Variants in SHB observed in about 807,000 individuals in gnomAD.
The protein encoded by SHB is SH2 domain containing adaptor protein B.
Under a neutral mutation model 52.3 loss-of-function variants are expected in SHB, and 20 were observed. The observed-to-expected ratio is 0.38, with a 90% CI of 0.27 to 0.56. The LOEUF is 0.56. SHB is among the 20% of genes least tolerant of loss of function. The pLI, the probability that SHB is intolerant of heterozygous loss-of-function variation, is 0.71. For synonymous variants in SHB, 397 were observed against 316.5 expected (o/e 1.25, Z -2.70); for missense variants, 825 against 723.3 (o/e 1.14, Z -1.61).
chr9:37,946,662 G>A (rs1200915027), intron 5 of SHB, among the ~76,000 whole-genome samples: 1 of 152,174 alleles, frequency 6.6e-6, no homozygotes, highest in East Asian at 1.9e-4. Context: ...CAGCTGATGG[G>A]GCTCTGGTCC....
chr9:38,046,819 C>T (rs1470228810), intron 1 of SHB, among the ~76,000 whole-genome samples: 1 of 152,226 alleles, frequency 6.6e-6, no homozygotes, highest in East Asian at 1.9e-4. Flanking sequence ...GTAAAAATCC[C>T]TTCGTCGCTT....
intron 1 of SHB, among the ~76,000 whole-genome samples, chr9:38,060,470 T>C (rs1821878880): frequency 6.6e-6 from 1 of 152,166 alleles, no homozygotes; most frequent in African/African-American, 2.4e-5. Flanking sequence ...ATTACAGGCA[T>C]GAACCACCGA....
At chr9:38,027,560 G>C (rs1478208343) in intron 1 of SHB, among the ~76,000 whole-genome samples, 8 of 151,676 alleles carry the variant, frequency 5.3e-5, no homozygotes. Flanking sequence ...ACCGGGGACA[G>C]GGAAAATGGG....
chr9:37,923,761 TGCAAGCA>T (rs1832211329), intron 5 of SHB, among the ~76,000 whole-genome samples: 1 of 152,186 alleles, frequency 6.6e-6, no homozygotes, highest in Non-Finnish European at 1.5e-5. Context: ...TATTCTGAGC[TGCAAGCA>T]GCCTGGGGGT....
chr9:38,001,053 T>G (rs947619364), intron 2 of SHB, among the ~76,000 whole-genome samples: 4 of 152,234 alleles, frequency 2.6e-5, no homozygotes, highest in Admixed American at 1.3e-4. Context: ...CATGGCTTTT[T>G]GCTCTTCCTT....
At chr9:38,039,050 G>A (rs763259204) in intron 1 of SHB, among the ~76,000 whole-genome samples, 3 of 152,162 alleles carry the variant, frequency 2.0e-5, no homozygotes, top group East Asian at 3.9e-4. Flanking sequence ...CAGGGCTGGC[G>A]GGCGGGCGTG....
At chr9:38,015,584 C>T in intron 2 of SHB, 1 of 645,596 alleles carries the variant, frequency 1.5e-6, no homozygotes, top group Non-Finnish European at 2.8e-6. Context: ...ATCTGGCCAG[C>T]TCTCTTCTAC....
At chr9:37,989,670 C>T (rs903189188) in intron 2 of SHB, among the ~76,000 whole-genome samples, 3 of 152,214 alleles carry the variant, frequency 2.0e-5, no homozygotes, top group Non-Finnish European at 2.9e-5. Flanking sequence ...GAGCGGTCGG[C>T]ACAGTTACTA....
intron 1 of SHB, among the ~76,000 whole-genome samples, chr9:38,058,212 AGGCCT>A (rs1210530471): frequency 6.6e-6 from 1 of 152,182 alleles, no homozygotes; most frequent in Admixed American, 6.5e-5. Flanking sequence ...ATCTCCCATG[AGGCCT>A]CCTCTTCCTG....
At chr9:38,061,491 C>A (rs1352873962) in intron 1 of SHB, among the ~76,000 whole-genome samples, 1 of 152,140 alleles carries the variant, frequency 6.6e-6, no homozygotes, top group Non-Finnish European at 1.5e-5. Flanking sequence ...CACAGGCCAC[C>A]ACTTCTGGGC....
At chr9:38,062,129 A>G (rs754715107) in intron 1 of SHB, among the ~76,000 whole-genome samples, 3 of 152,218 alleles carry the variant, frequency 2.0e-5, no homozygotes, top group Non-Finnish European at 4.4e-5. Flanking sequence ...GACATGTAAC[A>G]TATATTCCAG....
intron 2 of SHB, among the ~76,000 whole-genome samples, chr9:37,993,675 A>G (rs1343803753): frequency 6.6e-6 from 1 of 152,162 alleles, no homozygotes; most frequent in African/African-American, 2.4e-5. Flanking sequence ...CCCTTAAAAA[A>G]AAAAAGAAAA....
chr9:38,036,611 C>T (rs974480167), intron 1 of SHB, among the ~76,000 whole-genome samples: 2 of 152,198 alleles, frequency 1.3e-5, no homozygotes, highest in Non-Finnish European at 2.9e-5. Context: ...AGGGCAGACC[C>T]AGGCATCCCC....
chr9:38,037,655 TATC>T (rs1014615231), intron 1 of SHB, among the ~76,000 whole-genome samples: 1 of 152,184 alleles, frequency 6.6e-6, no homozygotes, highest in African/African-American at 2.4e-5. Context: ...TGTGTGTCAT[TATC>T]ATCGATTCAG....
At chr9:38,034,841 T>C (rs1184302675) in intron 1 of SHB, among the ~76,000 whole-genome samples, 3 of 152,208 alleles carry the variant, frequency 2.0e-5, no homozygotes, top group African/African-American at 7.2e-5. Context: ...GGATTACAGG[T>C]GTGCACCACC....
chr9:38,048,121 T>G (rs1197684969), intron 1 of SHB, among the ~76,000 whole-genome samples: 3 of 152,194 alleles, frequency 2.0e-5, no homozygotes, highest in African/African-American at 7.2e-5. Context: ...CTCATCCCCC[T>G]CCTCACGTTG....
intron 3 of SHB, among the ~76,000 whole-genome samples, chr9:37,970,972 G>A (rs1168074916): frequency 6.6e-6 from 1 of 152,098 alleles, no homozygotes; most frequent in African/African-American, 2.4e-5. Context: ...TATAAGGGGT[G>A]AAAGGAGAGG....
intron 5 of SHB, among the ~76,000 whole-genome samples, chr9:37,922,858 G>C (rs1167066974): frequency 9.2e-5 from 14 of 152,270 alleles, no homozygotes; most frequent in East Asian, 1.9e-4. Context: ...ATGACCCTGG[G>C]GGGTACTTCC....
At chr9:37,928,904 G>C (rs954321054) in intron 5 of SHB, among the ~76,000 whole-genome samples, 1 of 152,260 alleles carries the variant, frequency 6.6e-6, no homozygotes, top group African/African-American at 2.4e-5. Context: ...GGAGACTCCA[G>C]AGCAGGACCA....
Sources: gnomAD v4.1 joint callset for allele counts (sites outside exome capture counted in the v4.1 genomes callset) on GRCh38, gnomAD v4.1.1 for gene constraint, MANE v1.5 for transcripts, NCBI Gene and HGNC (gene_info 2026-07-23, HGNC 2026-07-21) for gene names.